Variants in AOAH observed in about 807,000 individuals in gnomAD.
AOAH encodes acyloxyacyl hydrolase, also known as acyloxyacyl hydrolase (neutrophil).
AOAH carries 64 observed loss-of-function variants against 92.2 expected under a neutral mutation model. The observed-to-expected ratio is 0.69, with a 90% CI of 0.57 to 0.86. The LOEUF (loss-of-function observed/expected upper bound fraction) is 0.86, where lower values mean the gene tolerates loss of function less well. AOAH is among the 40% of genes least tolerant of loss of function. The pLI is 0.00. For missense variants in AOAH, 656 were observed against 694.6 expected (o/e 0.94, Z 0.62); for synonymous variants, 263 against 254.5 (o/e 1.03, Z -0.32).
Position 36,522,078 on chromosome 7 carries a change from C to T in AOAH, c.1560G>A (p.Trp520Ter). Residue 520 changes from tryptophan to a stop codon, truncating the protein, a stop_gained, in exon 20 of 21, where the codon TGG (tryptophan) becomes TGA (stop). Transcript: ENST00000617537. LOFTEE classifies it high-confidence loss of function. ...QEWQKRGGQPWQLIEPVDGFH... is the reference protein window; with the variant it reads ...QEWQKRGGQP ...ATCCATCCACGGGCTCGATGAGCTG[C>T]CAGGGCTGTCCGCCTCTCTTCTGCC... 6.2e-7 allele frequency: 1 copy of T among 1,614,194 alleles called. No homozygotes were observed. Among genetic ancestry groups the T allele is most frequent in the South Asian group, 1.1e-5 (1 of 91,076 alleles).
chr7:36,579,372 G>GC (rs70977163), intron 12 of AOAH, among the ~76,000 whole-genome samples: 48,323 of 148,188 alleles, frequency 0.33, 7,924 homozygotes, highest in Middle Eastern at 0.41. Context: ...CCTGAACCCC[G>GC]CCCCCCCCAA....
intron 3 of AOAH, among the ~76,000 whole-genome samples, chr7:36,662,998 T>C (rs997936459): frequency 6.6e-6 from 1 of 152,198 alleles, no homozygotes; most frequent in East Asian, 1.9e-4. Flanking sequence ...CAGTATGGCA[T>C]GTGTACTCTT....
chr7:36,606,013 T>C (rs368354447), intron 11 of AOAH, among the ~76,000 whole-genome samples: 1 of 152,352 alleles, frequency 6.6e-6, no homozygotes, highest in East Asian at 1.9e-4. Flanking sequence ...GAGCAGAAGA[T>C]GTGATTTTGT....
chr7:36,681,469 G>A (rs1211438724), intron 2 of AOAH, among the ~76,000 whole-genome samples: 1 of 152,082 alleles, frequency 6.6e-6, no homozygotes, highest in Non-Finnish European at 1.5e-5. Flanking sequence ...GCCTTCGCAA[G>A]GGAGGAGTAT....
At chr7:36,713,128 G>C (rs1364104700) in intron 1 of AOAH, among the ~76,000 whole-genome samples, 1 of 152,172 alleles carries the variant, frequency 6.6e-6, no homozygotes, top group African/African-American at 2.4e-5. Flanking sequence ...TAAAGGGATG[G>C]AGGAAGATCT....
chr7:36,564,424 C>A (rs1787532344), intron 13 of AOAH, among the ~76,000 whole-genome samples: 1 of 151,976 alleles, frequency 6.6e-6, no homozygotes, highest in African/African-American at 2.4e-5. Flanking sequence ...GCACCTATTG[C>A]AATATTGGAG....
intron 4 of AOAH, among the ~76,000 whole-genome samples, chr7:36,648,918 A>ACTT (rs1051256927): frequency 4.6e-5 from 7 of 152,180 alleles, no homozygotes; most frequent in Admixed American, 1.3e-4. Context: ...TTAAAGGGGA[A>ACTT]CTTTTAAAAA....
intron 10 of AOAH, 140 bp from the exon 11 acceptor site, chr7:36,616,614 A>ATGTT: frequency 1.5e-6 from 1 of 678,910 alleles, no homozygotes; most frequent in East Asian, 2.7e-5. Context: ...CACTTTTCGC[A>ATGTT]TGTTTGAGAG....
intron 19 of AOAH, among the ~76,000 whole-genome samples, chr7:36,529,097 A>C (rs1399434348): frequency 6.6e-6 from 1 of 152,162 alleles, no homozygotes; most frequent in Non-Finnish European, 1.5e-5. Context: ...TATTTCATAG[A>C]ATCATCACAG....
chr7:36,557,094 T>A (rs947900909), intron 13 of AOAH, among the ~76,000 whole-genome samples: 1 of 152,224 alleles, frequency 6.6e-6, no homozygotes, highest in Non-Finnish European at 1.5e-5. Flanking sequence ...GGTCTTTACA[T>A]TTTGGCATGA....
At chr7:36,611,535 C>T (rs1791457364) in intron 11 of AOAH, among the ~76,000 whole-genome samples, 1 of 152,162 alleles carries the variant, frequency 6.6e-6, no homozygotes, top group Non-Finnish European at 1.5e-5. Flanking sequence ...GGCTGCTGGG[C>T]TTGCTGGAGT....
In AOAH at chr7:36,553,128, C is replaced by T. The variant is rs1291642992; in HGVS notation, c.1022-3653G>A. Among the ~76,000 whole-genome samples, 9 of 117,510 alleles carry T rather than the reference C, an allele frequency of 7.7e-5. No homozygotes were observed. The South Asian group carries it at 2.5e-3, about 33-fold the overall frequency. The allele number at this position is 117,510 out of a possible 152,430, so 77.1% of individuals were successfully genotyped here. A position where few individuals can be genotyped will look rare whatever the true frequency, so the allele number is the denominator to read the frequency against. ...ATGCTATCCCTCCCCCCTCCCCCCA[C>T]CCCACAACTGTCCCCAGAGTGTGAT... On this transcript the variant is annotated intron_variant, in intron 13 of 20. Coordinates refer to ENST00000617537, the MANE Select transcript of AOAH (RefSeq NM_001637.4).
At chr7:36,556,394 T>C (rs1786713751) in intron 13 of AOAH, among the ~76,000 whole-genome samples, 1 of 152,126 alleles carries the variant, frequency 6.6e-6, no homozygotes, top group East Asian at 1.9e-4. Flanking sequence ...GAGGAGAGCT[T>C]TACTTCCAAC....
chr7:36,594,387 T>A lies in AOAH; in HGVS notation c.890A>T (p.Asp297Val), dbSNP rs377277672. The A allele has an allele frequency of 6.1e-5, 99 of 1,614,020 alleles. No homozygotes were observed. Among genetic ancestry groups the A allele is most frequent in the Non-Finnish European group, 8.1e-5 (96 of 1,179,978 alleles). Residue 297 changes from aspartate to valine, a missense_variant, in exon 12 of 21, where the codon GAC (aspartate) becomes GTC (valine). Physicochemically the swap from Asp to Val is radical, Grantham distance 152. Coordinates refer to ENST00000617537, the MANE Select transcript of AOAH (RefSeq NM_001637.4). ...TGTAGCACCAGAGAGTTGGGGCCAG[T>A]CAAGCTCGTTGGTAAGGGCTGTTGG... ...NLPTALTNELDWPQLSGATGF... is the reference protein window; with the variant it reads ...NLPTALTNELVWPQLSGATGF...
At chr7:36,517,214 C>CTTTCTTTCTTTCTTTCTTTCTTTT (rs59205788) in intron 20 of AOAH, among the ~76,000 whole-genome samples, 2 of 104,892 alleles carry the variant, frequency 1.9e-5, no homozygotes, top group East Asian at 2.6e-4. Flanking sequence ...TTCTTTCTTT[C>CTTTCTTTCTTTCTTTCTTTCTTTT]TCTTTCTTTC....
At chr7:36,682,042 A>G (rs1796679044) in intron 2 of AOAH, among the ~76,000 whole-genome samples, 4 of 152,222 alleles carry the variant, frequency 2.6e-5, no homozygotes, top group Non-Finnish European at 5.9e-5. Flanking sequence ...ACAGGTGTTG[A>G]GCAGAAAGCA....
In AOAH at chr7:36,590,248, T is replaced by A. The variant is rs543591569; in HGVS notation, c.938+4091A>T. Among the ~76,000 whole-genome samples, 128 of 150,866 alleles carry A rather than the reference T, an allele frequency of 8.5e-4. 1 individual carries two copies. In the East Asian group the frequency reaches 0.023, roughly 27 times the overall value. ...CTATTTTTAATCTTTTAAAAATACTTTTTTCTTCCTATTTACAGTTATACT... is the reference window on the plus strand; with the variant it reads ...CTATTTTTAATCTTTTAAAAATACTATTTTCTTCCTATTTACAGTTATACT... On this transcript the variant is annotated intron_variant, in intron 12 of 20. Transcript: ENST00000617537.
intron 13 of AOAH, among the ~76,000 whole-genome samples, chr7:36,553,114 C>T (rs1786404534): frequency 1.8e-5 from 2 of 109,434 alleles, no homozygotes; most frequent in African/African-American, 6.9e-5. Context: ...TGCTATCCCT[C>T]CCCCCTCCCC....
intron 15 of AOAH, among the ~76,000 whole-genome samples, chr7:36,545,319 T>C (rs888206108): frequency 3.3e-5 from 5 of 152,222 alleles, no homozygotes; most frequent in African/African-American, 1.2e-4. Flanking sequence ...AACTTCCTTA[T>C]CATTCCCTTT....
Sources: gnomAD v4.1 joint callset for allele counts (sites outside exome capture counted in the v4.1 genomes callset) on GRCh38, gnomAD v4.1.1 for gene constraint, MANE v1.5 for transcripts, NCBI Gene and HGNC (gene_info 2026-07-23, HGNC 2026-07-21) for gene names.